SYT3: variants seen among roughly 807,000 people sequenced by gnomAD.
The protein encoded by SYT3 is synaptotagmin-3.
Under a neutral mutation model 50.6 loss-of-function variants are expected in SYT3, and 25 were observed. The ratio of observed to expected loss-of-function variants is 0.49; its 90% CI spans 0.36 to 0.69. The LOEUF is 0.69. Among genes scored for constraint, SYT3 ranks in the 30% least tolerant of loss-of-function variants. SYT3 has a pLI of 0.00. For missense variants in SYT3, 589 were observed against 793.6 expected (o/e 0.74, Z 3.10); for synonymous variants, 323 against 353.9 (o/e 0.91, Z 0.98).
chr19:50,653,446 A>C, the SYT3 span, among the ~76,000 whole-genome samples: 1 of 152,004 alleles, frequency 6.6e-6, no homozygotes, highest in African/African-American at 2.4e-5. Flanking sequence ...TGTTTGAGGG[A>C]TGGAGGGAGG....
chr19:50,638,256 T>G (rs142191616), intron 2 of SYT3, among the ~76,000 whole-genome samples: 70 of 151,916 alleles, frequency 4.6e-4, no homozygotes, highest in African/African-American at 1.7e-3. Context: ...AAGAAAAGCA[T>G]TTTAGACAGT....
chr19:50,635,621 T>C (rs1263708813), intron 3 of SYT3, among the ~76,000 whole-genome samples: 3 of 152,140 alleles, frequency 2.0e-5, no homozygotes, highest in Non-Finnish European at 4.4e-5. Flanking sequence ...TGGCATAGTC[T>C]ATGTTAACAC....
rs781591884 is a variant in SYT3, at chr19:50,629,802, C to T, written c.1044G>A (p.Lys348=). The change falls in exon 5 of 11, where the codon AAG becomes AAA. Residue 348 remains lysine (K), a synonymous_variant. Transcript: ENST00000600079. ...YVKIYLLPDR[K]KKFQTKVHRK... ...TCCGGACCTTGGTCTGAAACTTTTT[C>T]TTGCGGTCAGGCAGCAGGTAGATCT... is the stretch of plus-strand genomic sequence containing the variant. The T allele has an allele frequency of 5.0e-6, 8 of 1,613,108 alleles. No individual in the cohort carries two copies. The highest frequency in any genetic ancestry group is 6.8e-6 in the Non-Finnish European group (8 of 1,179,472).
Position 50,625,780 on chromosome 19 carries a change from G to C in SYT3, c.1402+117C>G. The stretch of plus-strand genomic sequence containing the variant: ...GGCCCCTCCTCCCTCAGACCCAGGA[G>C]TCCAGATCCCCAGCTCCTCCTCCCT... On this transcript the variant is annotated intron_variant, in intron 7 of 10. Transcript: ENST00000600079. This position sits in a 1 kb window ranked among gnomAD's most constrained non-coding sequence, Gnocchi z 7.5. 5.3e-6 allele frequency: 3 copies of C among 561,808 alleles called. 1 individual carries two copies. Among genetic ancestry groups the C allele is most frequent in the Non-Finnish European group, 6.1e-6 (2 of 330,366 alleles). The allele number at this position is 561,808 out of a possible 1,614,324, so 34.8% of individuals were successfully genotyped here.
the SYT3 span, among the ~76,000 whole-genome samples, chr19:50,645,075 TCTC>T: frequency 6.6e-6 from 1 of 152,222 alleles, no homozygotes; most frequent in African/African-American, 2.4e-5. Flanking sequence ...ATTCACTTGT[TCTC>T]CTGGTGCTCC....
At position 50,631,887 on chromosome 19, in the gene SYT3, A is replaced by G. The variant is rs975876339; in HGVS notation, c.674+399T>C. ...GTGCTCAATATACATTTACATGTAT[A>G]TTGAGAAATAATGAATGAAGGAACT... On this transcript the variant is annotated intron_variant, in intron 4 of 10. Coordinates refer to ENST00000600079, the MANE Select transcript of SYT3 (RefSeq NM_001160329.2). Among the ~76,000 whole-genome samples the G allele has an allele frequency of 2.0e-5, 3 of 152,022 alleles. No homozygotes were observed. In the East Asian group the frequency reaches 5.8e-4, roughly 29 times the overall value.
At chr19:50,624,931 C>T in intron 9 of SYT3, 1 of 409,178 alleles carries the variant, frequency 2.4e-6, no homozygotes, top group East Asian at 3.6e-5. Flanking sequence ...CATCTCACCT[C>T]TATCCTAACA....
At chr19:50,649,614 C>T in the SYT3 span, 1 of 1,268,578 alleles carries the variant, frequency 7.9e-7, no homozygotes, top group African/African-American at 1.5e-5. Context: ...ACTGGCACTC[C>T]AAAGTGAAAG....
At chr19:50,628,924 A>G (rs550664016) in intron 6 of SYT3, among the ~76,000 whole-genome samples, 2 of 151,310 alleles carry the variant, frequency 1.3e-5, no homozygotes, top group Non-Finnish European at 2.9e-5. Flanking sequence ...TCCTGGTGCA[A>G]GCGATTCTCC....
chr19:50,633,183 A>C (rs908239214), intron 3 of SYT3, among the ~76,000 whole-genome samples: 9 of 59,228 alleles, frequency 1.5e-4, no homozygotes, highest in African/African-American at 2.5e-4. Flanking sequence ...AGGTCTTGCT[A>C]TGTTGCCCAG....
chr19:50,651,912 T>C, the SYT3 span, among the ~76,000 whole-genome samples: 1 of 152,382 alleles, frequency 6.6e-6, no homozygotes, highest in African/African-American at 2.4e-5. Context: ...ATTCACATTT[T>C]TTCACATGCA....
At position 50,625,503 on chromosome 19, in the gene SYT3, G is replaced by C; in HGVS notation, c.1464C>G (p.Ser488=). ...TGGGGTTCAGCGTGTTCTTCTTGAT[G>C]GAGGTTTTCCGCTTCTTCAGACGCC... ...EGRRLKKRKT[S]IKKNTLNPTY... The change falls in exon 8 of 11, where the codon TCC becomes TCG. Residue 488 remains serine (S), a synonymous_variant. Coordinates refer to ENST00000600079, the MANE Select transcript of SYT3 (RefSeq NM_001160329.2). The surrounding 1 kb of genome is among the most constrained non-coding windows in gnomAD (Gnocchi z 7.5). 6.2e-7 allele frequency: 1 copy of C among 1,610,618 alleles called. No individual in the cohort carries two copies.
At chr19:50,653,568 C>T in the SYT3 span, among the ~76,000 whole-genome samples, 2 of 151,778 alleles carry the variant, frequency 1.3e-5, no homozygotes, top group African/African-American at 4.8e-5. Context: ...TAAGTGTCTA[C>T]CGCACGTGTG....
the SYT3 span, among the ~76,000 whole-genome samples, chr19:50,648,101 C>G: frequency 6.6e-6 from 1 of 152,172 alleles, no homozygotes; most frequent in African/African-American, 2.4e-5. Context: ...ATCCAACTGT[C>G]TGTATCTTTG....
At chr19:50,656,202 C>T in the SYT3 span, 1 of 1,536,032 alleles carries the variant, frequency 6.5e-7, no homozygotes, top group South Asian at 1.2e-5. Context: ...CTCAGAGGTC[C>T]CTGCCTGTTC....
Position 50,629,468 on chromosome 19 carries a change from T to C in SYT3, c.1107A>G (p.Gln369=). The change falls in exon 6 of 11, where the codon CAA becomes CAG. Residue 369 remains glutamine (Q), a synonymous_variant. Coordinates refer to ENST00000600079, the MANE Select transcript of SYT3 (RefSeq NM_001160329.2). The stretch of plus-strand genomic sequence containing the variant: ...CCAGCTCGGCCAGGGGCACCGAGAA[T>C]TGAAACGTCTCATTGAAGACGGGGT... ...TLNPVFNETF[Q]FSVPLAELAQ... The C allele has an allele frequency of 6.2e-7, 1 of 1,614,000 alleles. No individual in the cohort carries two copies. The highest frequency in any genetic ancestry group is 1.1e-5 in the South Asian group (1 of 91,072).
At chr19:50,635,293 C>T (rs1180646722) in intron 3 of SYT3, among the ~76,000 whole-genome samples, 1 of 152,128 alleles carries the variant, frequency 6.6e-6, no homozygotes, top group Non-Finnish European at 1.5e-5. Flanking sequence ...TTATGAGCCT[C>T]CTGAACACAG....
chr19:50,625,750 C>A lies in SYT3; in HGVS notation c.1402+147G>T. On this transcript the variant is annotated intron_variant, in intron 7 of 10. Coordinates refer to ENST00000600079, the MANE Select transcript of SYT3 (RefSeq NM_001160329.2). The surrounding 1 kb of genome is among the most constrained non-coding windows in gnomAD (Gnocchi z 7.5). ...CCTCTCTCCGACCCAGGAGTCCAGG[C>A]CCCTGGCCCCTCCTCCCTCAGACCC... 1.0e-6 allele frequency: 1 copy of A among 981,788 alleles called. No individual in the cohort carries two copies. Among genetic ancestry groups the A allele is most frequent in the Non-Finnish European group, 1.5e-6 (1 of 684,068 alleles). 60.8% of individuals were successfully genotyped at this position (981,788 alleles called of 1,614,324 possible).
At chr19:50,636,181 G>A (rs185492557) in intron 3 of SYT3, among the ~76,000 whole-genome samples, 2 of 151,110 alleles carry the variant, frequency 1.3e-5, no homozygotes, top group East Asian at 3.9e-4. Context: ...TTGAACCTGG[G>A]AGGTGGAGGA....
Sources: gnomAD v4.1 joint callset for allele counts (sites outside exome capture counted in the v4.1 genomes callset) on GRCh38, gnomAD v4.1.1 for gene constraint, Gnocchi (gnomAD v3.1) non-coding constraint, MANE v1.5 for transcripts, NCBI Gene and HGNC (gene_info 2026-07-23, HGNC 2026-07-21) for gene names.